The following SLC25A39 variants were observed in gnomAD, a reference collection of about 807,000 sequenced individuals.
The protein encoded by SLC25A39 is solute carrier family 25 member 39.
In SLC25A39, 44 loss-of-function variants were observed where a neutral mutation model predicts 46.6. That is an observed-to-expected ratio of 0.94 (90% CI 0.74 to 1.21). SLC25A39 has a LOEUF of 1.21. Ranked by LOEUF, SLC25A39 falls within the 50% of genes most tolerant of loss-of-function variation. SLC25A39 has a pLI of 0.00. For missense variants in SLC25A39, 487 were observed against 473.0 expected, an observed-to-expected ratio of 1.03 and a Z score of -0.28; for synonymous variants, 218 against 190.6, an observed-to-expected ratio of 1.14 and a Z score of -1.19.
rs1261678247 is a variant in SLC25A39, at chr17:44,320,384, A to T, written c.854T>A (p.Val285Asp). 1 of 1,613,336 alleles carries T rather than the reference A, an allele frequency of 6.2e-7. No individual in the cohort carries two copies. Among genetic ancestry groups the T allele is most frequent in the East Asian group, 2.2e-5 (1 of 44,878 alleles). The change falls in exon 10 of 12, where the codon GTC (valine) becomes GAC (aspartate). Residue 285 changes from valine (V) to aspartate (D), a missense_variant. Physicochemically the swap from Val to Asp is radical, Grantham distance 152 (BLOSUM62 -3). Transcript: ENST00000377095. ...PFDVVKTQRQ[V>D]ALGAMEAVRV... ...CACAGCCTCCATCGCTCCCAGAGCG[A>T]CCTGGCGTTGGGTCTTTACCACGTC...
intron 1 of SLC25A39, 178 bp from the exon 2 acceptor site, chr17:44,323,755 C>T (rs1284271015): frequency 8.5e-6 from 5 of 588,552 alleles, no homozygotes; most frequent in African/African-American, 5.6e-5. Flanking sequence ...GGTTCTCTTG[C>T]TTCAGCCTCC....
At position 44,323,533 on chromosome 17, in the gene SLC25A39, G is replaced by GCTGATGCCCGCAGGGTC. The variant is rs775802331; in HGVS notation, c.13_29dup (p.Ser10ArgfsTer26). On this transcript the variant is annotated frameshift_variant, in exon 2 of 12. Coordinates refer to ENST00000377095, the MANE Select transcript of SLC25A39 (RefSeq NM_001143780.3). LOFTEE classifies it high-confidence loss of function. Reference sequence around the variant, plus strand: ...CTGAGGCCACCATTTGCTGGAGGGGGCTGATGCCCGCAGGGTCCTGGTCAG... The same window carrying GCTGATGCCCGCAGGGTC: ...CTGAGGCCACCATTTGCTGGAGGGGGCTGATGCCCGCAGGGTCCTGATGCCCGCAGGGTCCTGGTCAG... 2 of 1,579,988 alleles carry GCTGATGCCCGCAGGGTC rather than the reference G, an allele frequency of 1.3e-6. No homozygotes were observed. Among genetic ancestry groups the GCTGATGCCCGCAGGGTC allele is most frequent in the Non-Finnish European group, 1.7e-6 (2 of 1,163,152 alleles).
At chr17:44,323,250 A>G in intron 3 of SLC25A39, 34 bp downstream of exon 3, 1 of 1,612,796 alleles carries the variant, frequency 6.2e-7, no homozygotes, top group East Asian at 2.2e-5. Flanking sequence ...TTGCCCAGGC[A>G]CCACCCCTCA....
chr17:44,323,949 AC>A (rs1248856884), intron 1 of SLC25A39: 1 of 239,248 alleles, frequency 4.2e-6, no homozygotes, highest in Non-Finnish European at 8.3e-6. Context: ...CCACTGTGAG[AC>A]TTTAACCCAA....
intron 4 of SLC25A39, 98 bp from the exon 5 acceptor site, chr17:44,322,650 C>G: frequency 6.4e-7 from 1 of 1,563,808 alleles, no homozygotes; most frequent in Non-Finnish European, 8.7e-7. Context: ...GGCCAGGTCC[C>G]TGTGTGGATG....
chr17:44,321,805 A>G, intron 5 of SLC25A39, 38 bp from the exon 6 acceptor site: 1 of 1,593,440 alleles, frequency 6.3e-7, no homozygotes, highest in Non-Finnish European at 8.6e-7. Flanking sequence ...AAGAGGAGGG[A>G]CACAAGTGAT....
At chr17:44,323,620 AGGAAAG>A in intron 1 of SLC25A39, 43 bp from the exon 2 acceptor site, 1 of 1,400,806 alleles carries the variant, frequency 7.1e-7, no homozygotes, top group Non-Finnish European at 9.8e-7. Flanking sequence ...CAGGGATGGC[AGGAAAG>A]GAGGCTGGGC....
intron 4 of SLC25A39, 34 bp downstream of exon 4, chr17:44,322,774 C>A: frequency 6.2e-7 from 1 of 1,613,842 alleles, no homozygotes; most frequent in Non-Finnish European, 8.5e-7. Context: ...CCCCCTTGCA[C>A]CCTCCCATGC....
At chr17:44,323,434 G>GGCCCCCCCCCC in intron 2 of SLC25A39, 44 bp downstream of exon 2, 16 of 1,367,842 alleles carry the variant, frequency 1.2e-5, no homozygotes, top group African/African-American at 1.5e-5. Flanking sequence ...TCTCCGGTCT[G>GGCCCCCCCCCC]CCCCATCCCC....
Position 44,321,087 on chromosome 17 carries a change from G to C in SLC25A39, c.662C>G (p.Pro221Arg). 6.2e-7 allele frequency: 1 copy of C among 1,608,904 alleles called. No individual in the cohort carries two copies. The highest frequency in any genetic ancestry group is 8.5e-7 in the Non-Finnish European group (1 of 1,178,380). The change falls in exon 8 of 12, where the codon CCC becomes CGC. Residue 221 changes from proline (P) to arginine (R), a missense_variant. Pro to Arg is a moderately radical substitution (Grantham distance 103). Transcript: ENST00000377095. Reference sequence around the variant, plus strand: ...GAAGGGCACATCTCGAAGGGCAGTGGGGCCCCAGCCCAGCCACAGTGAGCG... The same window carrying C: ...GAAGGGCACATCTCGAAGGGCAGTGCGGCCCCAGCCCAGCCACAGTGAGCG... The part of the protein sequence containing the change: ...GWRSLWLGWG[P>R]TALRDVPFSA...
intron 1 of SLC25A39, chr17:44,324,378 G>A (rs1055414629): frequency 2.0e-5 from 3 of 152,374 alleles, no homozygotes; most frequent in African/African-American, 4.8e-5. Context: ...GACCAAGAAG[G>A]GCCCGTCGCC....
At chr17:44,323,439 A>AGG in intron 2 of SLC25A39, 39 bp downstream of exon 2, 11 of 257,102 alleles carry the variant, frequency 4.3e-5, no homozygotes, top group Middle Eastern at 1.3e-3. Flanking sequence ...GGTCTGCCCC[A>AGG]TCCCCACCCG....
rs762351658 is a variant in SLC25A39, at chr17:44,321,745, C to T, written c.347G>A (p.Arg116Lys). 6 of 1,612,544 alleles carry T rather than the reference C, an allele frequency of 3.7e-6. No homozygotes were observed. The highest frequency in any genetic ancestry group is 3.3e-5 in the South Asian group (3 of 90,938). The change falls in exon 6 of 12, where the codon AGG becomes AAG. Residue 116 changes from arginine to lysine, a missense_variant. Arg to Lys is a conservative substitution (Grantham distance 26). Transcript: ENST00000377095. ...GTMDAFVKIV[R>K]HEGTRTLWSG... The stretch of plus-strand genomic sequence containing the variant: ...CCAGAGGGTCCTGGTGCCCTCGTGC[C>T]TCACGATCTTCACGAAGGCATCCTG...
rs768223898 is a variant in SLC25A39, at chr17:44,321,519, G to C, written c.432C>G (p.Ala144=). ...ACAGGAAGGCCTTCAGTTGGTCATA[G>C]GCAGTGAAGTAGATGGCGGTAGCTG... is the stretch of plus-strand genomic sequence containing the variant. The part of the protein sequence containing the change: ...TVPATAIYFT[A]YDQLKAFLCG... The change falls in exon 7 of 12, where the codon GCC becomes GCG. Residue 144 remains alanine (A), a synonymous_variant. Transcript: ENST00000377095. 5 of 1,614,136 alleles carry C rather than the reference G, an allele frequency of 3.1e-6. No homozygotes were observed. Among genetic ancestry groups the C allele is most frequent in the Non-Finnish European group, 4.2e-6 (5 of 1,180,010 alleles).
In SLC25A39 at chr17:44,322,970, T is replaced by A. The variant is rs865921164; in HGVS notation, c.146-118A>T. On this transcript the variant is annotated intron_variant, in intron 3 of 11. Coordinates refer to ENST00000377095, the MANE Select transcript of SLC25A39 (RefSeq NM_001143780.3). ...TGGAGTCTTGCTCTGTCGCCCACCC[T>A]GGAGCATAGTGGCACAATCTCAGCT... 4.7e-6 allele frequency: 5 copies of A among 1,069,808 alleles called. No homozygotes were observed. The African/African-American group carries it at 4.8e-5, about 10-fold the overall frequency. 66.3% of individuals were successfully genotyped at this position (1,069,808 alleles called of 1,614,324 possible). A position where few individuals can be genotyped will look rare whatever the true frequency, so the allele number is the denominator to read the frequency against.
chr17:44,323,538 T>C lies in SLC25A39; in HGVS notation c.25A>G (p.Ile9Val). ...GCCACCATTTGCTGGAGGGGGCTGA[T>C]GCCCGCAGGGTCCTGGTCAGCCATC... MADQDPAG[I>V]SPLQQMVASG... The change falls in exon 2 of 12, where the codon ATC becomes GTC. Residue 9 changes from isoleucine to valine, a missense_variant. Coordinates refer to ENST00000377095, the MANE Select transcript of SLC25A39 (RefSeq NM_001143780.3). 1 of 1,565,966 alleles carries C rather than the reference T, an allele frequency of 6.4e-7. No individual in the cohort carries two copies. Among genetic ancestry groups the C allele is most frequent in the Non-Finnish European group, 8.7e-7 (1 of 1,155,440 alleles).
rs938191159 is a variant in SLC25A39 at position 44,323,772 on chromosome 17, G to C, written c.-15-195C>G. 7.7e-5 allele frequency: 45 copies of C among 585,230 alleles called. 1 individual carries two copies. The South Asian group carries it at 9.4e-4, about 12-fold the overall frequency. The allele number at this position is 585,230 out of a possible 1,614,324, so 36.3% of individuals were successfully genotyped here. ...TTCTCTTGCTTCAGCCTCCCAAGTA[G>C]CTGGGACTACAGGCGCGCACCACCA... On this transcript the variant is annotated intron_variant, in intron 1 of 11. Coordinates refer to ENST00000377095, the MANE Select transcript of SLC25A39 (RefSeq NM_001143780.3).
Position 44,321,510 on chromosome 17 carries a change from T to C in SLC25A39, c.441A>G (p.Gln147=), listed in dbSNP as rs1172306520. Reference sequence around the variant, plus strand: ...CTCGACCACACAGGAAGGCCTTCAGTTGGTCATAGGCAGTGAAGTAGATGG... The same window carrying C: ...CTCGACCACACAGGAAGGCCTTCAGCTGGTCATAGGCAGTGAAGTAGATGG... The part of the protein sequence containing the change: ...ATAIYFTAYD[Q]LKAFLCGRAL... Residue 147 remains glutamine (Q), a synonymous_variant, in exon 7 of 12, where the codon CAA becomes CAG. Coordinates refer to ENST00000377095, the MANE Select transcript of SLC25A39 (RefSeq NM_001143780.3). 6.2e-7 allele frequency: 1 copy of C among 1,614,000 alleles called. No individual in the cohort carries two copies. Among genetic ancestry groups the C allele is most frequent in the Non-Finnish European group, 8.5e-7 (1 of 1,179,958 alleles).
chr17:44,321,869 GC>G, intron 5 of SLC25A39, 102 bp from the exon 6 acceptor site: 1 of 1,221,332 alleles, frequency 8.2e-7, no homozygotes, highest in Non-Finnish European at 1.1e-6. Context: ...CTCAGCCTCT[GC>G]CCACAGCCCT....
Sources: allele counts gnomAD v4.1 joint callset, GRCh38; gene constraint gnomAD v4.1.1; transcripts MANE v1.5; gene names NCBI Gene and HGNC (gene_info 2026-07-23, HGNC 2026-07-21).